FANCL: variants seen among roughly 807,000 people sequenced by gnomAD.
The protein encoded by FANCL is E3 ubiquitin-protein ligase FANCL.
Under a neutral mutation model 59.4 loss-of-function variants are expected in FANCL, and 69 were observed. That is an observed-to-expected ratio of 1.16 (90% confidence interval 0.96 to 1.42). FANCL has a LOEUF of 1.42. Ranked by LOEUF, FANCL falls within the 40% of genes most tolerant of loss-of-function variation. FANCL has a pLI of 0.00. For missense variants in FANCL, 519 were observed against 447.2 expected, an observed-to-expected ratio of 1.16 and a Z score of -1.45; for synonymous variants, 180 against 147.1, an observed-to-expected ratio of 1.22 and a Z score of -1.62.
At chr2:58,170,218 TG>T (rs778796508) in intron 7 of FANCL, among the ~76,000 whole-genome samples, 1 of 151,814 alleles carries the variant, frequency 6.6e-6, no homozygotes, top group Non-Finnish European at 1.5e-5. Context: ...CAGAAGAGAG[TG>T]GGGGCCAATA....
chr2:58,208,516 T>C (rs532701290), intron 5 of FANCL, among the ~76,000 whole-genome samples: 1 of 152,296 alleles, frequency 6.6e-6, no homozygotes, highest in East Asian at 1.9e-4. Flanking sequence ...GAAATGTGTT[T>C]TACATAGCTC....
chr2:58,192,175 T>G (rs751815103), intron 7 of FANCL, among the ~76,000 whole-genome samples: 14 of 151,942 alleles, frequency 9.2e-5, no homozygotes, highest in Non-Finnish European at 1.8e-4. Flanking sequence ...GTCTTTAAAT[T>G]CATGAGAGAG....
chr2:58,192,783 C>G (rs1267914021), intron 7 of FANCL, among the ~76,000 whole-genome samples: 1 of 151,788 alleles, frequency 6.6e-6, no homozygotes, highest in African/African-American at 2.4e-5. Flanking sequence ...CTGAAAGAAT[C>G]AGCTAACAGC....
intron 7 of FANCL, among the ~76,000 whole-genome samples, chr2:58,193,416 T>A (rs1459491877): frequency 2.0e-5 from 3 of 152,120 alleles, no homozygotes; most frequent in Non-Finnish European, 4.4e-5. Context: ...GGCTGCTTTT[T>A]AAATAAATAA....
At position 58,226,804 on chromosome 2, in the gene FANCL, A is replaced by G; in HGVS notation, c.217-20T>C. 1 of 1,593,392 alleles carries G rather than the reference A, an allele frequency of 6.3e-7. No homozygotes were observed. Among genetic ancestry groups the G allele is most frequent in the Non-Finnish European group, 8.6e-7 (1 of 1,161,438 alleles). On this transcript the variant is annotated intron_variant, in intron 3 of 13. Coordinates refer to ENST00000233741, the MANE Select transcript of FANCL (RefSeq NM_018062.4). ...CATTCTCTAGATCAAAATATTTCCA[A>G]TTAATTTCATTTGCACAATAAATAT...
intron 5 of FANCL, among the ~76,000 whole-genome samples, chr2:58,219,158 AAAAAAAAAAAAAAATATATATATATATAT>A (rs1457581287): frequency 4.1e-5 from 4 of 97,822 alleles, no homozygotes; most frequent in East Asian, 5.1e-4. Flanking sequence ...AAAAAAAAAA[AAAAAAAAAAAAAAATATATATATATATAT>A]ATATATATAT....
intron 6 of FANCL, among the ~76,000 whole-genome samples, chr2:58,200,662 A>G (rs1457200496): frequency 6.6e-6 from 1 of 151,958 alleles, no homozygotes; most frequent in Non-Finnish European, 1.5e-5. Context: ...TTATGCTAAA[A>G]GAGAGTAAGA....
At chr2:58,165,658 T>A in intron 8 of FANCL, 66 bp downstream of exon 8, 1 of 1,584,956 alleles carries the variant, frequency 6.3e-7, no homozygotes, top group Middle Eastern at 1.7e-4. Flanking sequence ...CTGTCATTGT[T>A]AGATTTATTT....
At chr2:58,240,273 T>C (rs1287038060) in intron 1 of FANCL, among the ~76,000 whole-genome samples, 1 of 152,220 alleles carries the variant, frequency 6.6e-6, no homozygotes, top group Non-Finnish European at 1.5e-5. Context: ...TTTTAACCTC[T>C]ACTTTCTGTG....
intron 5 of FANCL, among the ~76,000 whole-genome samples, chr2:58,217,514 G>T (rs1470850076): frequency 6.6e-6 from 1 of 151,666 alleles, no homozygotes; most frequent in Non-Finnish European, 1.5e-5. Flanking sequence ...AAATGGTAAA[G>T]AGCAGTTTTT....
chr2:58,209,019 T>C (rs953592507), intron 5 of FANCL, among the ~76,000 whole-genome samples: 23 of 152,280 alleles, frequency 1.5e-4, no homozygotes, highest in African/African-American at 5.1e-4. Context: ...GCCTTCACCA[T>C]TCCTTCCCTT....
chr2:58,240,259 G>T (rs1284115337), intron 1 of FANCL, among the ~76,000 whole-genome samples: 1 of 152,158 alleles, frequency 6.6e-6, no homozygotes, highest in Admixed American at 6.5e-5. Context: ...ATGGAATAAT[G>T]AATTTTTAAC....
chr2:58,194,620 G>A (rs1689256501), intron 7 of FANCL, among the ~76,000 whole-genome samples: 1 of 151,936 alleles, frequency 6.6e-6, no homozygotes, highest in African/African-American at 2.4e-5. Flanking sequence ...CCTTGGTGCT[G>A]ATTTCTTACT....
At chr2:58,172,622 CA>C (rs769052968) in intron 7 of FANCL, among the ~76,000 whole-genome samples, 2 of 152,112 alleles carry the variant, frequency 1.3e-5, no homozygotes, top group East Asian at 1.9e-4. Context: ...ACATCCACAC[CA>C]AAAACCCATC....
chr2:58,224,479 A>G (rs60949622), intron 4 of FANCL, among the ~76,000 whole-genome samples: 1 of 151,930 alleles, frequency 6.6e-6, no homozygotes, highest in African/African-American at 2.4e-5. Context: ...TTAGAAATTA[A>G]TTTTAAACTA....
chr2:58,175,240 T>C (rs938073176), intron 7 of FANCL, among the ~76,000 whole-genome samples: 7 of 147,854 alleles, frequency 4.7e-5, no homozygotes, highest in Non-Finnish European at 7.4e-5. Flanking sequence ...TCTGAAACTA[T>C]TACAATCAAT....
At chr2:58,172,564 G>C (rs781409397) in intron 7 of FANCL, among the ~76,000 whole-genome samples, 1 of 152,162 alleles carries the variant, frequency 6.6e-6, no homozygotes, top group Non-Finnish European at 1.5e-5. Flanking sequence ...GGGTCTGTTT[G>C]TTAACAGAAA....
chr2:58,198,564 A>G (rs1437157650), intron 7 of FANCL, 30 bp downstream of exon 7: 1 of 1,590,556 alleles, frequency 6.3e-7, no homozygotes, highest in East Asian at 2.2e-5. Flanking sequence ...ACTTAAAACA[A>G]ATTTAAGAAT....
At chr2:58,220,848 T>G (rs1692405565) in intron 5 of FANCL, among the ~76,000 whole-genome samples, 1 of 152,232 alleles carries the variant, frequency 6.6e-6, no homozygotes, top group East Asian at 1.9e-4. Flanking sequence ...GCCCTCGATT[T>G]ATCTTAGTAA....
Sources: allele counts gnomAD v4.1 joint callset (sites outside exome capture counted in the v4.1 genomes callset), GRCh38; gene constraint gnomAD v4.1.1; transcripts MANE v1.5; gene names NCBI Gene and HGNC (gene_info 2026-07-23, HGNC 2026-07-21).